The following TMEM132B variants were observed in gnomAD, a reference collection of about 807,000 sequenced individuals.
The protein encoded by TMEM132B is transmembrane protein 132B.
TMEM132B carries 18 observed loss-of-function variants against 90.8 expected under a neutral mutation model. The observed-to-expected ratio is 0.20, with a 90% CI of 0.14 to 0.29. TMEM132B has a LOEUF of 0.29. TMEM132B is among the 10% of genes least tolerant of loss of function. The pLI is 1.00. For synonymous variants in TMEM132B, 504 were observed against 523.3 expected, an observed-to-expected ratio of 0.96 and a Z score of 0.50; for missense variants, 1,096 against 1,326.8, an observed-to-expected ratio of 0.83 and a Z score of 2.70.
chr12:125,548,907 C>T (rs1347381509), intron 4 of TMEM132B, among the ~76,000 whole-genome samples: 1 of 152,076 alleles, frequency 6.6e-6, no homozygotes, highest in Admixed American at 6.6e-5. Flanking sequence ...GTACATAGGC[C>T]CTTTTTTGAT....
intron 3 of TMEM132B, among the ~76,000 whole-genome samples, chr12:125,428,950 C>T (rs1456747646): frequency 2.0e-5 from 3 of 152,196 alleles, no homozygotes; most frequent in Non-Finnish European, 4.4e-5. Context: ...AAGATATTCC[C>T]CTGTCTTATC....
chr12:125,336,692 G>A (rs1330580987), intron 1 of TMEM132B, among the ~76,000 whole-genome samples: 4 of 152,210 alleles, frequency 2.6e-5, no homozygotes, highest in African/African-American at 9.6e-5. Context: ...CTCATGGTGT[G>A]TCCCTGATGC....
intron 3 of TMEM132B, among the ~76,000 whole-genome samples, chr12:125,436,707 G>T (rs1159940504): frequency 2.0e-5 from 3 of 152,152 alleles, no homozygotes; most frequent in Non-Finnish European, 4.4e-5. Context: ...AACTTCAAGG[G>T]AATAAATTTC....
chr12:125,198,855 G>A (rs1436506299), intron 1 of TMEM132B, among the ~76,000 whole-genome samples: 1 of 152,200 alleles, frequency 6.6e-6, no homozygotes, highest in Non-Finnish European at 1.5e-5. Flanking sequence ...GCCCCTGGAG[G>A]CTGCCCTTTG....
intron 2 of TMEM132B, among the ~76,000 whole-genome samples, chr12:125,398,272 A>G (rs2136315130): frequency 6.6e-6 from 1 of 152,238 alleles, no homozygotes; most frequent in African/African-American, 2.4e-5. Flanking sequence ...GGAAATCCCA[A>G]CTACCCCTAC....
chr12:125,299,791 T>C (rs150352430), intron 1 of TMEM132B, among the ~76,000 whole-genome samples: 5 of 152,342 alleles, frequency 3.3e-5, no homozygotes, highest in Non-Finnish European at 7.3e-5. Context: ...CTTCTCACCC[T>C]GGTCTAAGTG....
intron 1 of TMEM132B, among the ~76,000 whole-genome samples, chr12:125,188,874 GAAA>G (rs935854010): frequency 1.1e-5 from 1 of 93,046 alleles, no homozygotes; most frequent in Non-Finnish European, 2.2e-5. Flanking sequence ...AAAAAAAAAA[GAAA>G]AAAAGAAATT....
chr12:125,562,068 TC>T (rs1884546284), intron 4 of TMEM132B, among the ~76,000 whole-genome samples: 1 of 152,236 alleles, frequency 6.6e-6, no homozygotes, highest in African/African-American at 2.4e-5. Flanking sequence ...TCTTCAAAGA[TC>T]TTAGCTAGAT....
Position 125,490,383 on chromosome 12 carries a change from G to A in TMEM132B, c.1107-29056G>A, listed in dbSNP as rs183209492. On this transcript the variant is annotated intron_variant, in intron 3 of 8. Coordinates refer to ENST00000682704, the MANE Select transcript of TMEM132B (RefSeq NM_001366854.1). The surrounding 1 kb of genome is among the most constrained non-coding windows in gnomAD (Gnocchi z 4.2). ...ACTCTTGTTGATGTTTTTTCAGTAG[G>A]CCTGTGGTAGTATTCAAACATATGT... Among the ~76,000 whole-genome samples, 129 of 152,230 alleles carry A rather than the reference G, an allele frequency of 8.5e-4. 1 individual carries two copies. Among genetic ancestry groups the A allele is most frequent in the South Asian group, 4.2e-4 (2 of 4,814 alleles).
chr12:125,444,239 A>AT (rs1333894886), intron 3 of TMEM132B, among the ~76,000 whole-genome samples: 2 of 152,194 alleles, frequency 1.3e-5, no homozygotes, highest in Non-Finnish European at 2.9e-5. Flanking sequence ...ATTCAAGGTC[A>AT]TTTTTGAAAA....
intron 1 of TMEM132B, among the ~76,000 whole-genome samples, chr12:125,206,229 A>C (rs1224474305): frequency 6.6e-6 from 1 of 151,584 alleles, no homozygotes; most frequent in Non-Finnish European, 1.5e-5. Context: ...GGGGCCTATG[A>C]TTTTTTGTTT....
At chr12:125,473,010 C>T (rs891813851) in intron 3 of TMEM132B, among the ~76,000 whole-genome samples, 1 of 152,200 alleles carries the variant, frequency 6.6e-6, no homozygotes, top group Non-Finnish European at 1.5e-5. Context: ...GAATAATACC[C>T]GTCATCTGTC....
At chr12:125,327,254 A>T (rs1273675302) in intron 1 of TMEM132B, among the ~76,000 whole-genome samples, 1 of 152,114 alleles carries the variant, frequency 6.6e-6, no homozygotes, top group African/African-American at 2.4e-5. Flanking sequence ...TCATTTCTAC[A>T]TGGGGGCCCA....
chr12:125,489,827 G>A (rs1370184091), intron 3 of TMEM132B, among the ~76,000 whole-genome samples: 1 of 152,166 alleles, frequency 6.6e-6, no homozygotes, highest in Non-Finnish European at 1.5e-5. Flanking sequence ...GGGAGAGGTA[G>A]CCAGTTTGAA....
At chr12:125,587,753 A>G (rs1885214315) in intron 5 of TMEM132B, 1 of 152,186 alleles carries the variant, frequency 6.6e-6, no homozygotes, top group Non-Finnish European at 1.5e-5. Flanking sequence ...TCCAGTCTCT[A>G]AAAATAAATA....
At position 125,324,678 on chromosome 12, in the gene TMEM132B, C is replaced by T. The variant is rs537939138; in HGVS notation, c.68-24774C>T. 2.9e-4 allele frequency among the ~76,000 whole-genome samples: 44 copies of T among 152,328 alleles called. 1 individual carries two copies. The highest frequency in any genetic ancestry group is 2.0e-3 in the Admixed American group (30 of 15,300). On this transcript the variant is annotated intron_variant, in intron 1 of 8. Transcript: ENST00000682704. ...CTGTGCATGCGAGGGACCTAGGTTGCGTTCCCCTTATGACGTGAAACAGTT... is the reference window on the plus strand; with the variant it reads ...CTGTGCATGCGAGGGACCTAGGTTGTGTTCCCCTTATGACGTGAAACAGTT...
chr12:125,547,066 T>G (rs1398389643), intron 4 of TMEM132B, among the ~76,000 whole-genome samples: 1 of 152,202 alleles, frequency 6.6e-6, no homozygotes, highest in Non-Finnish European at 1.5e-5. Context: ...CGGGGGAAAC[T>G]GCCCCCATGA....
At chr12:125,471,834 T>C (rs1370979381) in intron 3 of TMEM132B, among the ~76,000 whole-genome samples, 2 of 152,170 alleles carry the variant, frequency 1.3e-5, no homozygotes, top group Admixed American at 1.3e-4. Context: ...TTGTCACTGA[T>C]GGGAAGGTTA....
At chr12:125,332,220 G>A (rs963777019) in intron 1 of TMEM132B, among the ~76,000 whole-genome samples, 1 of 152,104 alleles carries the variant, frequency 6.6e-6, no homozygotes, top group Non-Finnish European at 1.5e-5. Context: ...ACATGTTAAT[G>A]TAGTTAGAAC....
Sources: gnomAD v4.1 joint callset for allele counts (sites outside exome capture counted in the v4.1 genomes callset) on GRCh38, gnomAD v4.1.1 for gene constraint, Gnocchi (gnomAD v3.1) non-coding constraint, MANE v1.5 for transcripts, NCBI Gene and HGNC (gene_info 2026-07-23, HGNC 2026-07-21) for gene names.